The following ABCA1 variants were observed in gnomAD, a reference collection of about 807,000 sequenced individuals.
ABCA1 encodes phospholipid-transporting ATPase ABCA1.
Under a neutral mutation model 262.5 loss-of-function variants are expected in ABCA1, and 133 were observed. That is an observed-to-expected ratio of 0.51 (90% CI 0.44 to 0.59). The LOEUF (loss-of-function observed/expected upper bound fraction) is 0.59, where lower values mean the gene tolerates loss of function less well. Among genes scored for constraint, ABCA1 ranks in the 20% least tolerant of loss-of-function variants. ABCA1 has a pLI of 0.00. For missense variants in ABCA1, 2,452 were observed against 2,777.5 expected, an observed-to-expected ratio of 0.88 and a Z score of 2.63; for synonymous variants, 1,022 against 1,043.5, an observed-to-expected ratio of 0.98 and a Z score of 0.40.
In ABCA1 at chr9:104,829,156, G is replaced by A. The variant is rs752548951; in HGVS notation, c.1893-18C>T. On this transcript the variant is annotated intron_variant, in intron 14 of 49. Coordinates refer to ENST00000374736, the MANE Select transcript of ABCA1 (RefSeq NM_005502.4). ...GCAGAAAGCTGGAGGCCCCAAGGAA[G>A]GACAAGGGGAGAAAGAAAGACACAC... 4 of 1,613,632 alleles carry A rather than the reference G, an allele frequency of 2.5e-6. No homozygotes were observed. The African/African-American group carries it at 4.0e-5, about 16-fold the overall frequency.
chr9:104,838,196 A>G (rs896948841), intron 9 of ABCA1, among the ~76,000 whole-genome samples: 1 of 151,932 alleles, frequency 6.6e-6, no homozygotes, highest in Middle Eastern at 3.4e-3. Context: ...GTGGTGACGC[A>G]TGAGGCTGAG....
At chr9:104,855,899 C>T (rs375166846) in intron 7 of ABCA1, 46 of 1,612,756 alleles carry the variant, frequency 2.9e-5, no homozygotes, top group South Asian at 1.6e-4. Flanking sequence ...GAAACACTCA[C>T]GCACACACAA....
chr9:104,793,388 T>A, intron 40 of ABCA1, 88 bp from the exon 41 acceptor site: 1 of 1,550,092 alleles, frequency 6.5e-7, no homozygotes, highest in Non-Finnish European at 8.9e-7. Context: ...TTCCTTAAAA[T>A]TCACCGATCT....
intron 1 of ABCA1, among the ~76,000 whole-genome samples, chr9:104,915,027 A>G (rs1211879467): frequency 1.3e-5 from 2 of 152,224 alleles, no homozygotes; most frequent in Admixed American, 6.5e-5. Flanking sequence ...GATTGTCAGC[A>G]CTGGTAAAGA....
chr9:104,858,999 C>CA (rs879625578), intron 6 of ABCA1, among the ~76,000 whole-genome samples: 8 of 152,196 alleles, frequency 5.3e-5, no homozygotes, highest in African/African-American at 7.2e-5. Flanking sequence ...GAGTGGGACA[C>CA]ATGATTTGGC....
At chr9:104,856,913 C>T (rs4506285) in intron 7 of ABCA1, among the ~76,000 whole-genome samples, 13,840 of 152,190 alleles carry the variant, frequency 0.091, 711 homozygotes, top group Middle Eastern at 0.14. Flanking sequence ...AAAAGACCAA[C>T]AGGCTGCAAA....
intron 32 of ABCA1, 104 bp from the exon 33 acceptor site, chr9:104,803,420 A>G: frequency 2.5e-6 from 3 of 1,183,276 alleles, no homozygotes; most frequent in Non-Finnish European, 3.8e-6. Context: ...AGGAACGGAC[A>G]GAAATAACCC....
intron 1 of ABCA1, among the ~76,000 whole-genome samples, chr9:104,905,250 C>T (rs1330687052): frequency 6.6e-6 from 1 of 152,180 alleles, no homozygotes. Flanking sequence ...GGTATGGATA[C>T]AAAACCAAGC....
intron 5 of ABCA1, among the ~76,000 whole-genome samples, chr9:104,870,101 T>A (rs1344665371): frequency 1.3e-5 from 2 of 151,024 alleles, no homozygotes; most frequent in Admixed American, 1.3e-4. Context: ...TCCCTGAACC[T>A]TCCAAGGCAT....
At position 104,818,923 on chromosome 9, in the gene ABCA1, C is replaced by T. The variant is rs755663330; in HGVS notation, c.3242-40G>A. The T allele has an allele frequency of 1.9e-6, 3 of 1,543,586 alleles. No homozygotes were observed. In the South Asian group the frequency reaches 3.5e-5, roughly 18 times the overall value. On this transcript the variant is annotated intron_variant, in intron 22 of 49. Transcript: ENST00000374736. Reference sequence around the variant, plus strand: ...CACAAGGATGTGGGACAGGTGAGGCCTCTCAGTTCTGATTTGTCACAGTGA... The same window carrying T: ...CACAAGGATGTGGGACAGGTGAGGCTTCTCAGTTCTGATTTGTCACAGTGA...
rs748253213 is a variant in ABCA1, at chr9:104,788,542, G to A, written c.5953C>T (p.His1985Tyr). 131 of 1,614,056 alleles carry A rather than the reference G, an allele frequency of 8.1e-5. No homozygotes were observed. The highest frequency in any genetic ancestry group is 1.1e-4 in the Non-Finnish European group (129 of 1,180,034). The change falls in exon 45 of 50, where the codon CAT becomes TAT. Residue 1985 changes from histidine (H) to tyrosine (Y), a missense_variant. This residue lies in a region of ABCA1 where 752 missense variants were observed against 944.5 expected (regional missense o/e 0.80). Coordinates refer to ENST00000374736, the MANE Select transcript of ABCA1 (RefSeq NM_005502.4). Reference protein sequence around the residue: ...NSILSNIHEVHQNMGYCPQFD... With the variant: ...NSILSNIHEVYQNMGYCPQFD... ...TGAGGGCAGTAGCCCATGTTCTGAT[G>A]TACTTCATGGATGTTTGATAAGATA...
At chr9:104,905,219 G>A (rs1332473693) in intron 1 of ABCA1, among the ~76,000 whole-genome samples, 1 of 152,184 alleles carries the variant, frequency 6.6e-6, no homozygotes, top group African/African-American at 2.4e-5. Flanking sequence ...GGAGCAGAAG[G>A]AACTAAGAAT....
At chr9:104,910,569 C>G (rs1444024945) in intron 1 of ABCA1, among the ~76,000 whole-genome samples, 1 of 152,136 alleles carries the variant, frequency 6.6e-6, no homozygotes, top group Non-Finnish European at 1.5e-5. Context: ...TTCATTAAAC[C>G]TTAAACAAAC....
At chr9:104,875,011 T>C (rs1384783884) in intron 5 of ABCA1, among the ~76,000 whole-genome samples, 1 of 151,842 alleles carries the variant, frequency 6.6e-6, no homozygotes, top group Admixed American at 6.6e-5. Flanking sequence ...TCATTGAGAA[T>C]GGGCCATGAT....
At chr9:104,823,555 T>C (rs1231022993) in intron 18 of ABCA1, among the ~76,000 whole-genome samples, 2 of 152,078 alleles carry the variant, frequency 1.3e-5, no homozygotes, top group Non-Finnish European at 2.9e-5. Flanking sequence ...GCCATGGAAG[T>C]TCAGGGCAGA....
In ABCA1 at chr9:104,871,606, A is replaced by G. The variant is rs893297406; in HGVS notation, c.422-9806T>C. On this transcript the variant is annotated intron_variant, in intron 5 of 49. Coordinates refer to ENST00000374736, the MANE Select transcript of ABCA1 (RefSeq NM_005502.4). ...CAAATGAATTTTGGACCTGAACAGA[A>G]TGAGAAGAAGAAACAAAGAACCAAC... Among the ~76,000 whole-genome samples, 33 of 152,208 alleles carry G rather than the reference A, an allele frequency of 2.2e-4. 1 individual carries two copies. The highest frequency in any genetic ancestry group is 8.0e-4 in the African/African-American group (33 of 41,450).
chr9:104,786,632 C>T (rs1828956078), intron 47 of ABCA1, among the ~76,000 whole-genome samples: 1 of 152,066 alleles, frequency 6.6e-6, no homozygotes, highest in Non-Finnish European at 1.5e-5. Context: ...GAATACTATC[C>T]AGCTATAAGA....
intron 2 of ABCA1, among the ~76,000 whole-genome samples, chr9:104,901,343 T>C (rs1486543613): frequency 6.6e-6 from 1 of 152,178 alleles, no homozygotes; most frequent in African/African-American, 2.4e-5. Context: ...TTCCCTGCTT[T>C]GTACCTCAGC....
chr9:104,794,265 T>G (rs1437662675), intron 40 of ABCA1, 122 bp downstream of exon 40: 27 of 1,466,790 alleles, frequency 1.8e-5, no homozygotes, highest in Non-Finnish European at 2.3e-5. Flanking sequence ...TCACTGGGCA[T>G]GGGGGTGGGG....
Sources: allele counts gnomAD v4.1 joint callset (sites outside exome capture counted in the v4.1 genomes callset), GRCh38; gene constraint gnomAD v4.1.1; regional missense constraint gnomAD v4.1.1; transcripts MANE v1.5; gene names NCBI Gene and HGNC (gene_info 2026-07-23, HGNC 2026-07-21).